The following AR variants were observed in gnomAD, a reference collection of about 807,000 sequenced individuals.
AR encodes androgen receptor.
A neutral mutation model predicts 53.9 loss-of-function variants in AR; 8 were observed. The ratio of observed to expected loss-of-function variants is 0.15; its 90% confidence interval spans 0.09 to 0.27. The LOEUF (loss-of-function observed/expected upper bound fraction) is 0.27, where lower values mean the gene tolerates loss of function less well. Among genes scored for constraint, AR ranks in the 10% least tolerant of loss-of-function variants. The pLI is 1.00. For missense variants in AR, 639 were observed against 742.5 expected, an observed-to-expected ratio of 0.86 and a Z score of 1.62; for synonymous variants, 359 against 316.4, an observed-to-expected ratio of 1.13 and a Z score of -1.43.
chrX:67,701,904 CT>C (rs1310618319), intron 3 of AR, among the ~76,000 whole-genome samples: 1 of 111,688 alleles, frequency 9.0e-6, no homozygotes, highest in Non-Finnish European at 1.9e-5. Context: ...CTATTCCCTT[CT>C]GGATTTGATA....
At chrX:67,615,039 C>T (rs953460482) in intron 1 of AR, among the ~76,000 whole-genome samples, 1 of 109,692 alleles carries the variant, frequency 9.1e-6, no homozygotes, top group Non-Finnish European at 1.9e-5. Flanking sequence ...ATAGATTATT[C>T]ATTTTGAAGG....
chrX:67,645,195 A>T (rs894016509), intron 2 of AR, among the ~76,000 whole-genome samples: 1 of 112,200 alleles, frequency 8.9e-6, no homozygotes, highest in Non-Finnish European at 1.9e-5. Context: ...AGTCAGATAG[A>T]TTAGATTATA....
At position 67,717,578 on chromosome X, in the gene AR, C is replaced by T. The variant is rs2147531011; in HGVS notation, c.2274C>T (p.Val758=). 7.4e-6 allele frequency: 9 copies of T among 1,212,186 alleles called. No homozygotes were observed. The highest frequency in any genetic ancestry group is 1.0e-5 in the Non-Finnish European group (9 of 895,616). ...FAMGWRSFTN[V]NSRMLYFAPD... ...TGGGCTGGCGATCCTTCACCAATGT[C>T]AACTCCAGGATGCTCTACTTCGCCC... Residue 758 remains valine (V), a synonymous_variant, in exon 5 of 8, where the codon GTC becomes GTT. Transcript: ENST00000374690.
At chrX:67,547,771 T>C (rs890070062) in intron 1 of AR, among the ~76,000 whole-genome samples, 1 of 112,089 alleles carries the variant, frequency 8.9e-6, no homozygotes, top group Admixed American at 9.4e-5. Context: ...GTTTGCATTT[T>C]AGAATATGTG....
At chrX:67,594,682 T>C (rs1922999490) in intron 1 of AR, among the ~76,000 whole-genome samples, 1 of 112,191 alleles carries the variant, frequency 8.9e-6, no homozygotes, top group African/African-American at 3.2e-5. Flanking sequence ...GTGTGGTGGC[T>C]CAGGCCTGTA....
chrX:67,558,577 G>C (rs1366649766), intron 1 of AR, among the ~76,000 whole-genome samples: 1 of 111,525 alleles, frequency 9.0e-6, no homozygotes, highest in Non-Finnish European at 1.9e-5. Flanking sequence ...TCACCAAATA[G>C]GTGGGTGGCC....
intron 1 of AR, among the ~76,000 whole-genome samples, chrX:67,612,399 A>G (rs1312406748): frequency 8.9e-6 from 1 of 112,380 alleles, no homozygotes; most frequent in South Asian, 3.7e-4. Flanking sequence ...CAAGTACCTT[A>G]GCATAGCTTA....
chrX:67,704,675 C>T (rs1434846353), intron 3 of AR, among the ~76,000 whole-genome samples: 4 of 111,757 alleles, frequency 3.6e-5, no homozygotes, highest in Non-Finnish European at 1.9e-5. Flanking sequence ...TCAATTTTGG[C>T]TTTTGTTGCC....
At chrX:67,681,190 G>T (rs1218284515) in intron 2 of AR, among the ~76,000 whole-genome samples, 6 of 111,549 alleles carry the variant, frequency 5.4e-5, no homozygotes, top group Non-Finnish European at 1.1e-4. Flanking sequence ...TTTGCTGTTG[G>T]AAATTAACAG....
chrX:67,630,645 A>G (rs1213872193), intron 1 of AR, among the ~76,000 whole-genome samples: 1 of 109,863 alleles, frequency 9.1e-6, no homozygotes, highest in African/African-American at 3.3e-5. Flanking sequence ...TTACATTTAA[A>G]GTTAATATTG....
At chrX:67,617,216 A>T (rs1407278234) in intron 1 of AR, among the ~76,000 whole-genome samples, 1 of 111,625 alleles carries the variant, frequency 9.0e-6, no homozygotes. Context: ...ACGATTAAAT[A>T]AGATGCTGCT....
In AR at chrX:67,546,544, C is replaced by T. The variant is rs761607792; in HGVS notation, c.1398C>T (p.Gly466=). 12 of 907,930 alleles carry T rather than the reference C, an allele frequency of 1.3e-5. 1 individual carries two copies. Among genetic ancestry groups the T allele is most frequent in the East Asian group, 4.9e-5 (1 of 20,341 alleles). 74.8% of individuals were successfully genotyped at this position (907,930 alleles called of 1,213,427 possible). A position where few individuals can be genotyped will look rare whatever the true frequency, so the allele number is the denominator to read the frequency against. Residue 466 remains glycine (G), a synonymous_variant, in exon 1 of 8, where the codon GGC becomes GGT. Coordinates refer to ENST00000374690, the MANE Select transcript of AR (RefSeq NM_000044.6). ...GGGGGGGGGG[G]GGGGGGGEAG... ...GCGGCGGCGGCGGCGGCGGCGGCGG[C>T]GGCGGCGGCGGCGGCGGCGGCGAGG...
chrX:67,563,692 G>A (rs770722989), intron 1 of AR, among the ~76,000 whole-genome samples: 2 of 111,979 alleles, frequency 1.8e-5, no homozygotes, highest in African/African-American at 6.5e-5. Flanking sequence ...CTTCGGTAAT[G>A]CAAGTTATTA....
rs2076161707 is a variant in AR, at chrX:67,727,298, T to A, written c.*3457T>A. 1 of 168,364 alleles carries A rather than the reference T, an allele frequency of 5.9e-6. No individual in the cohort carries two copies. The highest frequency in any genetic ancestry group is 7.9e-5 in the Admixed American group (1 of 12,592). 13.9% of individuals were successfully genotyped at this position (168,364 alleles called of 1,213,427 possible). Reference sequence around the variant, plus strand: ...AAAGAAAATCTGTAATACATATATTTTTATGTATGTTCACTGGCACTAAAA... The same window carrying A: ...AAAGAAAATCTGTAATACATATATTATTATGTATGTTCACTGGCACTAAAA... On this transcript the variant is annotated 3_prime_UTR_variant, in exon 8 of 8. Coordinates refer to ENST00000374690, the MANE Select transcript of AR (RefSeq NM_000044.6).
intron 1 of AR, among the ~76,000 whole-genome samples, chrX:67,604,046 C>G (rs1276700994): frequency 9.0e-6 from 1 of 110,620 alleles, no homozygotes; most frequent in Non-Finnish European, 1.9e-5. Flanking sequence ...GGCTCTAGAT[C>G]TCATACTTAA....
At chrX:67,662,142 G>A (rs760866342) in intron 2 of AR, among the ~76,000 whole-genome samples, 2 of 111,597 alleles carry the variant, frequency 1.8e-5, no homozygotes, top group Non-Finnish European at 3.8e-5. Flanking sequence ...CAAAAAACCA[G>A]TTCCTGGATT....
chrX:67,661,826 T>A (rs1926936966), intron 2 of AR, among the ~76,000 whole-genome samples: 1 of 111,691 alleles, frequency 9.0e-6, no homozygotes, highest in African/African-American at 3.3e-5. Context: ...GGTTCTGGAC[T>A]TTTTTTGATT....
Position 67,622,697 on chromosome X carries a change from T to A in AR, c.1617-20559T>A, listed in dbSNP as rs1404122797. Among the ~76,000 whole-genome samples, 3 of 112,009 alleles carry A rather than the reference T, an allele frequency of 2.7e-5. No individual in the cohort carries two copies. In the East Asian group the frequency reaches 8.4e-4, roughly 31 times the overall value. ...CCCCCATCTTATCTTTAAGTAGATT[T>A]CAAAGTAAATATTTGATGAATATGT... On this transcript the variant is annotated intron_variant, in intron 1 of 7. Transcript: ENST00000374690.
intron 1 of AR, among the ~76,000 whole-genome samples, chrX:67,593,582 C>A (rs1922939649): frequency 9.0e-6 from 1 of 110,943 alleles, no homozygotes; most frequent in Non-Finnish European, 1.9e-5. Context: ...GATCTCTTGA[C>A]CTCATGATCT....
Sources: gnomAD v4.1 joint callset for allele counts (sites outside exome capture counted in the v4.1 genomes callset) on GRCh38, gnomAD v4.1.1 for gene constraint, MANE v1.5 for transcripts, NCBI Gene and HGNC (gene_info 2026-07-23, HGNC 2026-07-21) for gene names.